Variants in DYNLT1 observed in about 807,000 individuals in gnomAD.
The protein encoded by DYNLT1 is dynein light chain Tctex-type 1.
A neutral mutation model predicts 19.6 loss-of-function variants in DYNLT1; 18 were observed. The observed-to-expected ratio is 0.92, with a 90% CI of 0.64 to 1.36. The LOEUF (loss-of-function observed/expected upper bound fraction) is 1.36. Among genes scored for constraint, DYNLT1 ranks in the 40% most tolerant of loss-of-function variants. DYNLT1 has a pLI of 0.00. For missense variants in DYNLT1, 137 were observed against 139.3 expected, an observed-to-expected ratio of 0.98 and a Z score of 0.08; for synonymous variants, 56 against 44.0, an observed-to-expected ratio of 1.27 and a Z score of -1.07.
chr6:158,636,511 GTA>G lies in DYNLT1; in HGVS notation c.*314_*315del, dbSNP rs1227114212. The G allele has an allele frequency of 3.3e-6, 1 of 302,118 alleles. No individual in the cohort carries two copies. The highest frequency in any genetic ancestry group is 6.4e-6 in the Non-Finnish European group (1 of 156,316). 18.7% of individuals were successfully genotyped at this position (302,118 alleles called of 1,614,324 possible). A position where few individuals can be genotyped will look rare whatever the true frequency, so the allele number is the denominator to read the frequency against. On this transcript the variant is annotated 3_prime_UTR_variant, in exon 5 of 5. Coordinates refer to ENST00000367089, the MANE Select transcript of DYNLT1 (RefSeq NM_006519.4). ...TAATTTATTCTAACAAAAGTATAAA[GTA>G]TGGAAAATTAGTGTATTTGAATCAT... is the stretch of plus-strand genomic sequence containing the variant.
intron 1 of DYNLT1, chr6:158,642,549 T>G (rs1787158483): frequency 7.8e-6 from 1 of 128,544 alleles, no homozygotes; most frequent in African/African-American, 3.3e-5. Flanking sequence ...TGCTGTCCAC[T>G]GCAGGCCCTG....
At chr6:158,637,049 G>A in intron 4 of DYNLT1, 79 bp downstream of exon 4, 1 of 1,568,466 alleles carries the variant, frequency 6.4e-7, no homozygotes, top group East Asian at 2.3e-5. Context: ...TGATAAACAT[G>A]CATTGCATTC....
rs753628954 is a variant in DYNLT1, at chr6:158,637,903, CAA to C, written c.70-11_70-10del. On this transcript the variant is annotated splice_polypyrimidine_tract_variant and intron_variant, in intron 2 of 4. Coordinates refer to ENST00000367089, the MANE Select transcript of DYNLT1 (RefSeq NM_006519.4). Reference sequence around the variant, plus strand: ...ATTGCGCTTTCTATAGCCTAGAAAACAAAGCACAAAGCGCGTCCCGGTTAACC... The same window carrying C: ...ATTGCGCTTTCTATAGCCTAGAAAACAGCACAAAGCGCGTCCCGGTTAACC... 4 of 1,600,612 alleles carry C rather than the reference CAA, an allele frequency of 2.5e-6. No individual in the cohort carries two copies. Among genetic ancestry groups the C allele is most frequent in the African/African-American group, 1.3e-5 (1 of 74,906 alleles).
intron 1 of DYNLT1, among the ~76,000 whole-genome samples, chr6:158,643,663 A>T (rs1034475012): frequency 6.6e-6 from 1 of 151,932 alleles, no homozygotes; most frequent in African/African-American, 2.4e-5. Flanking sequence ...GTATTTTTAA[A>T]AGAGACGGGG....
At chr6:158,643,846 A>T (rs1787237278) in intron 1 of DYNLT1, among the ~76,000 whole-genome samples, 1 of 152,176 alleles carries the variant, frequency 6.6e-6, no homozygotes, top group African/African-American at 2.4e-5. Context: ...TATTTTTGAC[A>T]GGCTGCATAA....
chr6:158,638,843 T>C (rs2128337223), intron 2 of DYNLT1, among the ~76,000 whole-genome samples: 1 of 152,354 alleles, frequency 6.6e-6, no homozygotes, highest in South Asian at 2.1e-4. Flanking sequence ...GTCGCTGCTC[T>C]TGCTAAGCTT....
At position 158,644,711 on chromosome 6, in the gene DYNLT1, TTCCTCC is replaced by T. The variant is rs1787323615; in HGVS notation, c.-9_-4del. 3 of 1,611,494 alleles carry T rather than the reference TTCCTCC, an allele frequency of 1.9e-6. No individual in the cohort carries two copies. Among genetic ancestry groups the T allele is most frequent in the Non-Finnish European group, 2.5e-6 (3 of 1,179,686 alleles). ...TCCGCAGCCTGGTAGTCTTCCATCT[TTCCTCC>T]GGCGCGTCCCCTCCGGCTCCCTGAG... On this transcript the variant is annotated 5_prime_UTR_variant, in exon 1 of 5. Transcript: ENST00000367089.
intron 2 of DYNLT1, 23 bp downstream of exon 2, chr6:158,641,293 TAAG>T (rs1787128962): frequency 4.4e-6 from 7 of 1,578,970 alleles, no homozygotes; most frequent in Non-Finnish European, 6.0e-6. Flanking sequence ...ATTAAACATT[TAAG>T]AAGTGAGCAT....
At chr6:158,640,565 A>G (rs1306225615) in intron 2 of DYNLT1, among the ~76,000 whole-genome samples, 1 of 151,720 alleles carries the variant, frequency 6.6e-6, no homozygotes, top group African/African-American at 2.4e-5. Context: ...CACTGCCCCC[A>G]CTTCCCAGTC....
intron 3 of DYNLT1, 199 bp from the exon 4 acceptor site, chr6:158,637,404 C>T (rs530103756): frequency 3.2e-5 from 20 of 623,114 alleles, no homozygotes; most frequent in Non-Finnish European, 5.8e-5. Context: ...ATAAACCCAT[C>T]ATAAATCAAC....
At chr6:158,637,042 T>C (rs938819081) in intron 4 of DYNLT1, 86 bp downstream of exon 4, 7 of 1,565,324 alleles carry the variant, frequency 4.5e-6, no homozygotes, top group Non-Finnish European at 6.1e-6. Flanking sequence ...TAAAAGGTGA[T>C]AAACATGCAT....
chr6:158,637,624 G>T, intron 3 of DYNLT1, 147 bp downstream of exon 3: 1 of 1,245,346 alleles, frequency 8.0e-7, no homozygotes, highest in Non-Finnish European at 1.2e-6. Flanking sequence ...TCAAGCGTAC[G>T]CTAACGTATA....
At chr6:158,644,038 C>T (rs952138453) in intron 1 of DYNLT1, among the ~76,000 whole-genome samples, 4 of 149,570 alleles carry the variant, frequency 2.7e-5, no homozygotes. Context: ...GGGCTTTATC[C>T]TACTTCCTCA....
At chr6:158,638,544 C>G (rs1437823067) in intron 2 of DYNLT1, among the ~76,000 whole-genome samples, 1 of 113,084 alleles carries the variant, frequency 8.8e-6, no homozygotes, top group Non-Finnish European at 2.1e-5. Context: ...CCCACCTCAG[C>G]TTCCCTCCTG....
At position 158,636,840 on chromosome 6, in the gene DYNLT1, C is replaced by A. The variant is rs1405255587; in HGVS notation, c.329G>T (p.Gly110Val). ...KTMYCIVSAF[G>V]LSI ...CTGGACTGCAGGTCAAATAGACAGT[C>A]CGAAGGCACTGACGATGCAGTACAT... The change falls in exon 5 of 5, where the codon GGA (glycine) becomes GTA (valine). Residue 110 changes from glycine to valine, a missense_variant. Physicochemically the swap from Gly to Val is moderately radical, Grantham distance 109. Coordinates refer to ENST00000367089, the MANE Select transcript of DYNLT1 (RefSeq NM_006519.4). The A allele has an allele frequency of 1.9e-6, 3 of 1,611,492 alleles. No individual in the cohort carries two copies.
chr6:158,639,172 C>A (rs892087465), intron 2 of DYNLT1, among the ~76,000 whole-genome samples: 5 of 152,152 alleles, frequency 3.3e-5, no homozygotes, highest in African/African-American at 1.2e-4. Flanking sequence ...GACCTAAAAC[C>A]TCCCTAGGTC....
chr6:158,636,932 GA>G (rs1787014763), intron 4 of DYNLT1, 35 bp from the exon 5 acceptor site: 2 of 1,608,446 alleles, frequency 1.2e-6, no homozygotes, highest in East Asian at 2.2e-5. Context: ...TTACGGCAGG[GA>G]AAGCTGGGGG....
At chr6:158,643,003 G>A (rs1001112582) in intron 1 of DYNLT1, among the ~76,000 whole-genome samples, 1 of 152,126 alleles carries the variant, frequency 6.6e-6, no homozygotes, top group Non-Finnish European at 1.5e-5. Flanking sequence ...CCTAAGACAT[G>A]CCTACTACAA....
In DYNLT1 at chr6:158,637,877, A is replaced by G. The variant is rs1456245971; in HGVS notation, c.87T>C (p.Ile29=). 2.5e-6 allele frequency: 4 copies of G among 1,604,542 alleles called. No homozygotes were observed. The highest frequency in any genetic ancestry group is 4.5e-5 in the East Asian group (2 of 44,888). ...NIVKEAIESA[I]GGNAYQHSKV... is the part of the protein sequence containing the mutation. ...TGCTGTGTTGATAAGCGTTACCACC[A>G]ATTGCGCTTTCTATAGCCTAGAAAA... Residue 29 remains isoleucine (I), a synonymous_variant, in exon 3 of 5, where the codon ATT becomes ATC. Coordinates refer to ENST00000367089, the MANE Select transcript of DYNLT1 (RefSeq NM_006519.4).
Sources: gnomAD v4.1 joint callset for allele counts (sites outside exome capture counted in the v4.1 genomes callset) on GRCh38, gnomAD v4.1.1 for gene constraint, MANE v1.5 for transcripts, NCBI Gene and HGNC (gene_info 2026-07-23, HGNC 2026-07-21) for gene names.